UGT2B7: variants seen among roughly 807,000 people sequenced by gnomAD.
The protein encoded by UGT2B7 is UDP-glucuronosyltransferase 2B7.
UGT2B7 carries 51 observed loss-of-function variants against 51.9 expected under a neutral mutation model. The ratio of observed to expected loss-of-function variants is 0.98; its 90% confidence interval spans 0.78 to 1.24. The LOEUF (loss-of-function observed/expected upper bound fraction) is 1.24. UGT2B7 is among the 50% of genes most tolerant of loss of function. The probability of loss-of-function intolerance (pLI) is 0.00; values close to 1 mark genes in which losing one functional copy is unlikely to be tolerated. For missense variants in UGT2B7, 727 were observed against 628.4 expected (o/e 1.16, Z -1.68); for synonymous variants, 225 against 211.6 (o/e 1.06, Z -0.55).
At chr4:69,063,410 G>A (rs879748499) in intron 1 of UGT2B7, among the ~76,000 whole-genome samples, 4 of 151,890 alleles carry the variant, frequency 2.6e-5, no homozygotes, top group African/African-American at 9.7e-5. Context: ...AGGTCAGGGG[G>A]TACTGTACCC....
At chr4:69,107,090 C>G (rs1395591265) in intron 3 of UGT2B7, 85 bp from the exon 4 acceptor site, 8 of 1,397,984 alleles carry the variant, frequency 5.7e-6, no homozygotes, top group Non-Finnish European at 9.8e-7. Context: ...ATCCCTTGAT[C>G]TCATTCCTAC....
At chr4:69,063,808 G>T (rs758439933) in intron 1 of UGT2B7, among the ~76,000 whole-genome samples, 11 of 151,976 alleles carry the variant, frequency 7.2e-5, no homozygotes, top group Non-Finnish European at 1.0e-4. Flanking sequence ...GTTGCTTAAT[G>T]TTCCCTTGCC....
rs377540095 is a variant in UGT2B7, at chr4:69,059,022, G to A, written c.-159+7420G>A. On this transcript the variant is annotated intron_variant, in intron 1 of 5. Transcript: ENST00000502942. ...GAGAAGGGTCAGGGCCATCGTACAG[G>A]AAGGCCACCAGCCAGGGGCTGCCAC... Among the ~76,000 whole-genome samples, 54 of 152,348 alleles carry A rather than the reference G, an allele frequency of 3.5e-4. No individual in the cohort carries two copies. In the South Asian group the frequency reaches 5.2e-3, roughly 15 times the overall value.
chr4:69,097,237 T>C lies in UGT2B7; in HGVS notation c.717T>C (p.Val239=). The C allele has an allele frequency of 6.2e-7, 1 of 1,602,754 alleles. No homozygotes were observed. The change falls in exon 1 of 6, where the codon GTT becomes GTC. Residue 239 remains valine, a synonymous_variant. Coordinates refer to ENST00000305231, the MANE Select transcript of UGT2B7 (RefSeq NM_001074.4). The part of the protein sequence containing the change: ...MKKWDQFYSE[V]LGRPTTLSET... ...AGTGGGATCAGTTTTATAGTGAAGTTCTAGGTAAGTATTTTTTTCAATCAG... is the reference window on the plus strand; with the variant it reads ...AGTGGGATCAGTTTTATAGTGAAGTCCTAGGTAAGTATTTTTTTCAATCAG...
At chr4:69,102,328 T>C (rs189398114) in intron 2 of UGT2B7, among the ~76,000 whole-genome samples, 1 of 152,216 alleles carries the variant, frequency 6.6e-6, no homozygotes, top group Admixed American at 6.6e-5. Context: ...AGCTCATAGT[T>C]AGGGAAGTAA....
chr4:69,087,019 G>T (rs1718975545), intron 1 of UGT2B7, among the ~76,000 whole-genome samples: 1 of 150,782 alleles, frequency 6.6e-6, no homozygotes, highest in Non-Finnish European at 1.5e-5. Flanking sequence ...TGTTTTCTAG[G>T]TTAGTTTCTG....
chr4:69,088,857 G>T (rs1311088206), intron 1 of UGT2B7, among the ~76,000 whole-genome samples: 1 of 152,124 alleles, frequency 6.6e-6, no homozygotes, highest in Non-Finnish European at 1.5e-5. Flanking sequence ...GATCCATGAA[G>T]AAACTGAACA....
intron 2 of UGT2B7, chr4:69,089,656 G>C (rs1420887000): frequency 1.3e-5 from 2 of 152,246 alleles, no homozygotes; most frequent in African/African-American, 4.8e-5. Context: ...TGAAGAAAAT[G>C]TGGCTTTCCA....
At chr4:69,069,611 A>G (rs1718558111) in intron 1 of UGT2B7, 1 of 151,236 alleles carries the variant, frequency 6.6e-6, no homozygotes, top group Non-Finnish European at 1.5e-5. Context: ...TTCATTATAT[A>G]AGTTGATGTC....
chr4:69,103,355 T>G (rs1256605204), intron 3 of UGT2B7, among the ~76,000 whole-genome samples: 1 of 152,092 alleles, frequency 6.6e-6, no homozygotes, highest in Non-Finnish European at 1.5e-5. Flanking sequence ...GCCTCAGACT[T>G]AGGGGTTGCA....
intron 1 of UGT2B7, among the ~76,000 whole-genome samples, chr4:69,054,028 G>C (rs895532663): frequency 1.3e-5 from 2 of 152,076 alleles, no homozygotes; most frequent in Non-Finnish European, 2.9e-5. Context: ...TCAATTTAAA[G>C]CTTGAAATCA....
At chr4:69,066,941 G>A (rs1034096061) in intron 1 of UGT2B7, among the ~76,000 whole-genome samples, 4 of 152,020 alleles carry the variant, frequency 2.6e-5, no homozygotes, top group Admixed American at 1.3e-4. Context: ...ATTTCATGAT[G>A]GAGTGTGGCC....
At chr4:69,106,095 A>T (rs1267694826) in intron 3 of UGT2B7, among the ~76,000 whole-genome samples, 1 of 152,156 alleles carries the variant, frequency 6.6e-6, no homozygotes, top group African/African-American at 2.4e-5. Flanking sequence ...AAATTAAATT[A>T]ATTTAACTTT....
At chr4:69,077,441 G>C (rs887837100) in intron 1 of UGT2B7, among the ~76,000 whole-genome samples, 1 of 151,946 alleles carries the variant, frequency 6.6e-6, no homozygotes, top group African/African-American at 2.4e-5. Context: ...CCATTTATTT[G>C]TGTCCTGTCT....
chr4:69,108,104 T>G lies in UGT2B7; in HGVS notation c.1092T>G (p.Gly364=). 1 of 1,613,472 alleles carries G rather than the reference T, an allele frequency of 6.2e-7. No homozygotes were observed. The highest frequency in any genetic ancestry group is 8.5e-7 in the Non-Finnish European group (1 of 1,179,530). Residue 364 remains glycine, a splice_region_variant and synonymous_variant, in exon 5 of 6, where the codon GGT becomes GGG. Transcript: ENST00000305231. ...YKWIPQNDLL[G]HPKTRAFITH... ...TTGCTAAAATTCATCCAATCCTAGG[T>G]CATCCAAAGACCAGAGCTTTTATAA...
chr4:69,075,030 A>T (rs551565478), intron 1 of UGT2B7, among the ~76,000 whole-genome samples: 24 of 152,272 alleles, frequency 1.6e-4, no homozygotes, highest in African/African-American at 5.3e-4. Context: ...TTGAGTAAAT[A>T]TTTTAAAATG....
chr4:69,099,491 C>G (rs1577922817), intron 2 of UGT2B7, among the ~76,000 whole-genome samples: 1 of 151,884 alleles, frequency 6.6e-6, no homozygotes, highest in Admixed American at 6.6e-5. Flanking sequence ...TCAAGATATT[C>G]AATGGATTAA....
intron 1 of UGT2B7, among the ~76,000 whole-genome samples, chr4:69,054,475 A>C (rs984723534): frequency 6.6e-6 from 1 of 152,196 alleles, no homozygotes; most frequent in African/African-American, 2.4e-5. Context: ...ATGTTACACT[A>C]AGTAGATACC....
chr4:69,108,453 T>C, intron 5 of UGT2B7, 131 bp downstream of exon 5: 2 of 1,117,118 alleles, frequency 1.8e-6, no homozygotes, highest in South Asian at 4.1e-5. Context: ...CAATCTGAAA[T>C]CTGCTTTTAT....
Sources: gnomAD v4.1 joint callset for allele counts (sites outside exome capture counted in the v4.1 genomes callset) on GRCh38, gnomAD v4.1.1 for gene constraint, MANE v1.5 for transcripts, NCBI Gene and HGNC (gene_info 2026-07-23, HGNC 2026-07-21) for gene names.